Variants in SOX6 observed in about 807,000 individuals in gnomAD.
SOX6 encodes the protein SRY-box transcription factor 6, also known as transcription factor SOX-6.
A neutral mutation model predicts 97.8 loss-of-function variants in SOX6; 11 were observed. The observed-to-expected ratio is 0.11, with a 90% CI of 0.07 to 0.19. The LOEUF is 0.19. Among genes scored for constraint, SOX6 ranks in the 10% least tolerant of loss-of-function variants. The pLI is 1.00. For missense variants in SOX6, 810 were observed against 1,039.5 expected, an observed-to-expected ratio of 0.78 and a Z score of 3.04; for synonymous variants, 360 against 371.4, an observed-to-expected ratio of 0.97 and a Z score of 0.35.
intron 4 of SOX6, chr11:16,484,284 T>C (rs1450432395): frequency 4.5e-6 from 5 of 1,113,970 alleles, no homozygotes; most frequent in Middle Eastern, 2.3e-4. Context: ...GGAACCACAT[T>C]GCCCGACTCA....
chr11:16,734,107 C>T (rs979546549), intron 2 of SOX6, among the ~76,000 whole-genome samples: 5 of 151,504 alleles, frequency 3.3e-5, no homozygotes, highest in African/African-American at 4.8e-5. Context: ...TTTCATTTCC[C>T]TTTTCATTCC....
intron 2 of SOX6, among the ~76,000 whole-genome samples, chr11:16,326,635 T>C (rs1196654151): frequency 6.6e-6 from 1 of 152,188 alleles, no homozygotes. Context: ...AGGCAAAAAT[T>C]ACACTTTATT....
intron 1 of SOX6, among the ~76,000 whole-genome samples, chr11:16,433,340 T>C (rs1409555648): frequency 6.6e-6 from 1 of 151,992 alleles, no homozygotes; most frequent in East Asian, 1.9e-4. Context: ...TCAATAGAAA[T>C]ATGAAATATA....
chr11:16,040,758 T>C (rs906119780), intron 12 of SOX6, among the ~76,000 whole-genome samples: 6 of 152,042 alleles, frequency 3.9e-5, no homozygotes. Flanking sequence ...AAGGAAATGC[T>C]GGAGTAAAGT....
intron 5 of SOX6, among the ~76,000 whole-genome samples, chr11:16,185,916 T>G (rs887338892): frequency 6.6e-6 from 1 of 152,072 alleles, no homozygotes. Flanking sequence ...CTCTATATAC[T>G]CCTATAAAAT....
At chr11:16,070,945 A>ACTT (rs1848209343) in intron 9 of SOX6, among the ~76,000 whole-genome samples, 1 of 152,246 alleles carries the variant, frequency 6.6e-6, no homozygotes, top group African/African-American at 2.4e-5. Flanking sequence ...CTTGGGACTG[A>ACTT]GAACAGATCA....
At chr11:16,689,435 T>A (rs372285075) in intron 3 of SOX6, among the ~76,000 whole-genome samples, 1 of 152,186 alleles carries the variant, frequency 6.6e-6, no homozygotes, top group East Asian at 1.9e-4. Context: ...TTCCAGAATT[T>A]CAAGGATCAC....
intron 2 of SOX6, among the ~76,000 whole-genome samples, chr11:16,330,585 CA>C (rs1856259083): frequency 6.6e-6 from 1 of 151,914 alleles, no homozygotes; most frequent in African/African-American, 2.4e-5. Context: ...AAACAACATT[CA>C]ACTATTGACT....
chr11:16,406,432 C>T (rs1858688276), intron 1 of SOX6, among the ~76,000 whole-genome samples: 1 of 152,104 alleles, frequency 6.6e-6, no homozygotes, highest in East Asian at 1.9e-4. Flanking sequence ...AGTTCACTAA[C>T]ATATCTTGTG....
intron 4 of SOX6, among the ~76,000 whole-genome samples, chr11:16,529,408 G>A (rs1351044086): frequency 3.3e-5 from 5 of 152,014 alleles, no homozygotes; most frequent in Non-Finnish European, 2.9e-5. Flanking sequence ...ATTTTGTTTG[G>A]CTATATTGGA....
chr11:16,060,550 T>A (rs1037021222), intron 9 of SOX6, among the ~76,000 whole-genome samples: 3 of 151,968 alleles, frequency 2.0e-5, no homozygotes, highest in African/African-American at 7.2e-5. Flanking sequence ...CCATATTCTG[T>A]CTAACAAAAC....
intron 2 of SOX6, among the ~76,000 whole-genome samples, chr11:16,325,508 T>G (rs1418775064): frequency 6.6e-6 from 1 of 152,122 alleles, no homozygotes; most frequent in East Asian, 1.9e-4. Context: ...ACACTGATGC[T>G]TAGGGGAAAC....
intron 1 of SOX6, among the ~76,000 whole-genome samples, chr11:16,364,539 G>A (rs1857298608): frequency 6.6e-6 from 1 of 151,996 alleles, no homozygotes; most frequent in South Asian, 2.1e-4. Flanking sequence ...TTGACATTGG[G>A]CAAAATCACT....
Position 16,502,125 on chromosome 11 carries a change from T to C in SOX6, n.610-25737A>G, listed in dbSNP as rs555286246. Among the ~76,000 whole-genome samples, 8 of 152,306 alleles carry C rather than the reference T, an allele frequency of 5.3e-5. No individual in the cohort carries two copies. In the South Asian group the frequency reaches 6.2e-4, roughly 12 times the overall value. Reference sequence around the variant, plus strand: ...GGCACATATATACCATGGAATACTATGCAGCCATAAAAAATGATGAGTTCA... The same window carrying C: ...GGCACATATATACCATGGAATACTACGCAGCCATAAAAAATGATGAGTTCA... On this transcript the variant is annotated intron_variant and non_coding_transcript_variant, in intron 4 of 5. Transcript: ENST00000524520.
chr11:16,642,683 C>T (rs1174573852), intron 3 of SOX6, among the ~76,000 whole-genome samples: 2 of 152,138 alleles, frequency 1.3e-5, no homozygotes, highest in African/African-American at 2.4e-5. Flanking sequence ...ATCACTGATA[C>T]CCTTTCTTCC....
intron 2 of SOX6, among the ~76,000 whole-genome samples, chr11:16,721,731 C>T (rs1356921283): frequency 6.6e-6 from 1 of 150,564 alleles, no homozygotes; most frequent in Non-Finnish European, 1.5e-5. Context: ...CCCAGCCATG[C>T]CTCTAGTATA....
chr11:16,568,151 T>A (rs964356443), intron 4 of SOX6, among the ~76,000 whole-genome samples: 1 of 152,126 alleles, frequency 6.6e-6, no homozygotes, highest in Admixed American at 6.5e-5. Flanking sequence ...ATTTCTTGTA[T>A]AGGCTTGGGT....
intron 1 of SOX6, among the ~76,000 whole-genome samples, chr11:16,380,659 C>A (rs540042766): frequency 6.6e-6 from 1 of 152,128 alleles, no homozygotes; most frequent in African/African-American, 2.4e-5. Flanking sequence ...TGTATTCTAT[C>A]CAACCAATCA....
chr11:16,430,735 A>C (rs1859256834), intron 1 of SOX6, among the ~76,000 whole-genome samples: 2 of 152,126 alleles, frequency 1.3e-5, no homozygotes, highest in Non-Finnish European at 1.5e-5. Flanking sequence ...AGTTTATGGC[A>C]TTTTGCTTCA....
Sources: allele counts gnomAD v4.1 joint callset (sites outside exome capture counted in the v4.1 genomes callset), GRCh38; gene constraint gnomAD v4.1.1; transcripts MANE v1.5; gene names NCBI Gene and HGNC (gene_info 2026-07-23, HGNC 2026-07-21).